The following PDE10A variants were observed in gnomAD, a reference collection of about 807,000 sequenced individuals.
PDE10A encodes the protein cAMP and cAMP-inhibited cGMP 3',5'-cyclic phosphodiesterase 10A.
Under a neutral mutation model 97.7 loss-of-function variants are expected in PDE10A, and 39 were observed. The ratio of observed to expected loss-of-function variants is 0.40; its 90% CI spans 0.31 to 0.52. The LOEUF (loss-of-function observed/expected upper bound fraction) is 0.52, where lower values mean the gene tolerates loss of function less well. PDE10A is among the 20% of genes least tolerant of loss of function. PDE10A has a pLI of 0.56. For synonymous variants in PDE10A, 371 were observed against 376.8 expected, an observed-to-expected ratio of 0.98 and a Z score of 0.18; for missense variants, 731 against 1,047.8, an observed-to-expected ratio of 0.70 and a Z score of 4.17.
chr6:165,522,475 G>T (rs116428134), intron 2 of PDE10A, among the ~76,000 whole-genome samples: 1 of 152,134 alleles, frequency 6.6e-6, no homozygotes, highest in East Asian at 1.9e-4. Flanking sequence ...CTTTATTCTT[G>T]GGATAAATCC....
At position 165,450,345 on chromosome 6, in the gene PDE10A, C is replaced by A; in HGVS notation, c.1041G>T (p.Met347Ile). 2 of 1,544,094 alleles carry A rather than the reference C, an allele frequency of 1.3e-6. No homozygotes were observed. Among genetic ancestry groups the A allele is most frequent in the Admixed American group, 1.8e-5 (1 of 56,596 alleles). Residue 347 changes from methionine (M) to isoleucine (I), a missense_variant, in exon 4 of 22, where the codon ATG becomes ATT. Physicochemically the swap from Met to Ile is conservative, Grantham distance 10. Coordinates refer to ENST00000539869, the MANE Select transcript of PDE10A (RefSeq NM_001385079.1). ...TGTTTAGTTCATATACAACTCCCTGCATATTCGTATCTTGGTACTTTGGAT... is the reference window on the plus strand; with the variant it reads ...TGTTTAGTTCATATACAACTCCCTGAATATTCGTATCTTGGTACTTTGGAT... ...KEVSRYQDTN[M>I]QGVVYELNSY...
At chr6:165,432,630 C>A (rs1789680077) in intron 7 of PDE10A, among the ~76,000 whole-genome samples, 1 of 152,124 alleles carries the variant, frequency 6.6e-6, no homozygotes. Flanking sequence ...AGGACACAAG[C>A]TAAGAAAAAG....
chr6:165,871,327 C>T (rs1442218413), intron 1 of PDE10A, among the ~76,000 whole-genome samples: 4 of 152,130 alleles, frequency 2.6e-5, no homozygotes, highest in African/African-American at 9.7e-5. Flanking sequence ...AAAATGTGTG[C>T]TTTACTTTTT....
At chr6:165,695,408 G>A (rs944964974) in intron 1 of PDE10A, among the ~76,000 whole-genome samples, 12 of 152,112 alleles carry the variant, frequency 7.9e-5, no homozygotes, top group Non-Finnish European at 1.3e-4. Flanking sequence ...AGGGAGGTGG[G>A]GAGTCCATGC....
chr6:165,552,738 T>C (rs1784078440), intron 1 of PDE10A, among the ~76,000 whole-genome samples: 1 of 152,190 alleles, frequency 6.6e-6, no homozygotes, highest in African/African-American at 2.4e-5. Context: ...AGCATAGCCT[T>C]GAGTACAACT....
At chr6:165,602,985 C>A (rs1280218907) in intron 1 of PDE10A, among the ~76,000 whole-genome samples, 1 of 152,092 alleles carries the variant, frequency 6.6e-6, no homozygotes, top group Admixed American at 6.5e-5. Context: ...CATCAGAGTT[C>A]TTTTCCCCAC....
intron 1 of PDE10A, among the ~76,000 whole-genome samples, chr6:165,644,056 A>AT (rs1789272242): frequency 6.6e-6 from 1 of 151,580 alleles, no homozygotes; most frequent in Admixed American, 6.6e-5. Flanking sequence ...AGAAAAATTC[A>AT]TTTTTTTTCT....
At chr6:165,578,684 TTTTTTTCTTACA>T (rs1478957468) in intron 1 of PDE10A, among the ~76,000 whole-genome samples, 1 of 140,410 alleles carries the variant, frequency 7.1e-6, no homozygotes, top group Non-Finnish European at 1.5e-5. Context: ...TCTTTTTCTG[TTTTTTTCTTACA>T]TGGCATAATA....
chr6:165,873,143 C>T (rs139068390), intron 1 of PDE10A, among the ~76,000 whole-genome samples: 60 of 152,292 alleles, frequency 3.9e-4, no homozygotes, highest in African/African-American at 1.4e-3. Flanking sequence ...CCCCCCAAAG[C>T]CCCAGGCTTC....
chr6:165,447,512 G>A (rs1468486553), intron 5 of PDE10A, among the ~76,000 whole-genome samples: 8 of 152,286 alleles, frequency 5.3e-5, no homozygotes, highest in South Asian at 2.1e-4. Context: ...GTAATGTGAC[G>A]TGGACCACAA....
intron 1 of PDE10A, among the ~76,000 whole-genome samples, chr6:165,844,299 C>T (rs1038989777): frequency 5.3e-5 from 8 of 152,112 alleles, no homozygotes; most frequent in Non-Finnish European, 7.3e-5. Context: ...GAAGCAGAAC[C>T]GAGGACAGAG....
chr6:165,471,378 T>C (rs1778996772), intron 3 of PDE10A, among the ~76,000 whole-genome samples: 1 of 152,180 alleles, frequency 6.6e-6, no homozygotes, highest in Non-Finnish European at 1.5e-5. Flanking sequence ...TATCTGTATG[T>C]GGATGGTTCT....
chr6:165,722,173 T>C (rs1245157707), intron 1 of PDE10A, among the ~76,000 whole-genome samples: 1 of 152,204 alleles, frequency 6.6e-6, no homozygotes, highest in East Asian at 1.9e-4. Flanking sequence ...TTCACGGAAA[T>C]CTATGTGCAA....
chr6:165,587,596 G>A (rs1785991508), intron 1 of PDE10A, among the ~76,000 whole-genome samples: 1 of 152,122 alleles, frequency 6.6e-6, no homozygotes, highest in East Asian at 1.9e-4. Context: ...ATGCAGAAGA[G>A]ACCTAGTGAT....
At chr6:165,399,874 C>T (rs763284779) in intron 13 of PDE10A, among the ~76,000 whole-genome samples, 93 of 152,172 alleles carry the variant, frequency 6.1e-4, no homozygotes, top group Admixed American at 1.2e-3. Flanking sequence ...TTAATAGTGC[C>T]GCAATAAACA....
intron 1 of PDE10A, among the ~76,000 whole-genome samples, chr6:165,785,088 A>G (rs771392133): frequency 4.6e-5 from 7 of 152,228 alleles, no homozygotes; most frequent in Non-Finnish European, 7.3e-5. Flanking sequence ...AAAGACATGA[A>G]TTCTTTCATC....
chr6:165,422,332 CAT>C lies in PDE10A; in HGVS notation c.1654-3557_1654-3556del, dbSNP rs370546308. Among the ~76,000 whole-genome samples the C allele has an allele frequency of 1.8e-4, 20 of 112,924 alleles. No individual in the cohort carries two copies. The East Asian group carries it at 5.0e-3, about 28-fold the overall frequency. 74.1% of individuals were successfully genotyped at this position (112,924 alleles called of 152,430 possible). A position where few individuals can be genotyped will look rare whatever the true frequency, so the allele number is the denominator to read the frequency against. ...ACACATACGCATATACACACACAGGCATACACACACACATATGCATACACACA... is the reference window on the plus strand; with the variant it reads ...ACACATACGCATATACACACACAGGCACACACACACATATGCATACACACA... On this transcript the variant is annotated intron_variant, in intron 10 of 21. Transcript: ENST00000539869.
At chr6:165,656,616 C>T (rs893128637) in intron 1 of PDE10A, among the ~76,000 whole-genome samples, 6 of 152,136 alleles carry the variant, frequency 3.9e-5, no homozygotes, top group Non-Finnish European at 8.8e-5. Context: ...GTAATCCTCT[C>T]TCCTGTCTTA....
At chr6:165,374,646 C>T (rs893246309) in intron 18 of PDE10A, among the ~76,000 whole-genome samples, 6 of 151,898 alleles carry the variant, frequency 4.0e-5, no homozygotes, top group African/African-American at 1.4e-4. Flanking sequence ...ATTTCTATAG[C>T]CTTTTCTGAG....
Sources: allele counts gnomAD v4.1 joint callset (sites outside exome capture counted in the v4.1 genomes callset), GRCh38; gene constraint gnomAD v4.1.1; transcripts MANE v1.5; gene names NCBI Gene and HGNC (gene_info 2026-07-23, HGNC 2026-07-21).